TNIP3: variants seen among roughly 807,000 people sequenced by gnomAD.
TNIP3 encodes TNFAIP3-interacting protein 3.
Under a neutral mutation model 54.1 loss-of-function variants are expected in TNIP3, and 34 were observed. The observed-to-expected ratio is 0.63, with a 90% CI of 0.48 to 0.84. TNIP3 has a LOEUF of 0.84. Among genes scored for constraint, TNIP3 ranks in the 40% least tolerant of loss-of-function variants. The probability of loss-of-function intolerance (pLI) is 0.00; values close to 1 mark genes in which losing one functional copy is unlikely to be tolerated. For synonymous variants in TNIP3, 134 were observed against 136.8 expected (o/e 0.98, Z 0.14); for missense variants, 366 against 387.6 (o/e 0.94, Z 0.47).
At chr4:121,227,424 C>A in exon 1 of TNIP3, 1 of 1,531,306 alleles carries the variant, frequency 6.5e-7, no homozygotes. Context: ...TCTAGGTAAG[C>A]GTATTACAAG....
In TNIP3 at chr4:121,144,445, A is replaced by G. The variant is rs113622862; in HGVS notation, c.736-1669T>C. 2.5e-3 allele frequency among the ~76,000 whole-genome samples: 381 copies of G among 152,200 alleles called. 1 individual carries two copies. The highest frequency in any genetic ancestry group is 8.4e-3 in the African/African-American group (349 of 41,526). ...GAGACAGAATCCCACTCTGTTGCCC[A>G]GACTGGAATGCAGTGGCCCAATCTC... On this transcript the variant is annotated intron_variant, in intron 7 of 10. Coordinates refer to ENST00000057513, the MANE Select transcript of TNIP3 (RefSeq NM_024873.6).
At chr4:121,226,862 A>G (rs1402406620) in intron 1 of TNIP3, among the ~76,000 whole-genome samples, 1 of 152,162 alleles carries the variant, frequency 6.6e-6, no homozygotes, top group Admixed American at 6.5e-5. Flanking sequence ...CTCCCCATTG[A>G]TGTGATTCTA....
Position 121,164,242 on chromosome 4 carries a change from T to C in TNIP3, c.-117A>G. ...AAATTTAAAAAACACACATCACCGT[T>C]AACTCATAATAGAAAATAACAGCAA... On this transcript the variant is annotated 5_prime_UTR_variant, in exon 1 of 11. The change abolishes the stop of an existing upstream ORF in the 5' untranslated region. Coordinates refer to ENST00000057513, the MANE Select transcript of TNIP3 (RefSeq NM_024873.6). 1 of 1,528,994 alleles carries C rather than the reference T, an allele frequency of 6.5e-7. No individual in the cohort carries two copies. Among genetic ancestry groups the C allele is most frequent in the South Asian group, 1.2e-5 (1 of 80,370 alleles). The allele number at this position is 1,528,994 out of a possible 1,614,324, so 94.7% of individuals were successfully genotyped here. A position where few individuals can be genotyped will look rare whatever the true frequency, so the allele number is the denominator to read the frequency against.
At chr4:121,143,215 A>G (rs1579376887) in intron 7 of TNIP3, among the ~76,000 whole-genome samples, 1 of 152,194 alleles carries the variant, frequency 6.6e-6, no homozygotes, top group African/African-American at 2.4e-5. Context: ...ACTTAATACT[A>G]TCTCAATTTT....
At chr4:121,156,842 C>T (rs1423667156) in intron 4 of TNIP3, among the ~76,000 whole-genome samples, 1 of 152,100 alleles carries the variant, frequency 6.6e-6, no homozygotes, top group Admixed American at 6.5e-5. Context: ...CTGGAAGGGA[C>T]TGGGGAATGA....
chr4:121,179,749 C>A (rs1418779313), intron 3 of TNIP3, among the ~76,000 whole-genome samples: 1 of 151,930 alleles, frequency 6.6e-6, no homozygotes, highest in African/African-American at 2.4e-5. Flanking sequence ...ATCCAGGATT[C>A]CCCCAAGTTT....
chr4:121,191,326 C>T (rs1465971868), intron 2 of TNIP3, among the ~76,000 whole-genome samples: 2 of 152,082 alleles, frequency 1.3e-5, no homozygotes, highest in Non-Finnish European at 2.9e-5. Flanking sequence ...TGCTTTTGCA[C>T]CATTGTTCTA....
intron 2 of TNIP3, among the ~76,000 whole-genome samples, chr4:121,208,367 G>A (rs577190107): frequency 2.8e-4 from 42 of 152,024 alleles, no homozygotes; most frequent in African/African-American, 8.9e-4. Flanking sequence ...TCAATGTGTC[G>A]GCTGGAGCCA....
At chr4:121,212,138 T>C (rs1726508736) in intron 2 of TNIP3, among the ~76,000 whole-genome samples, 1 of 152,180 alleles carries the variant, frequency 6.6e-6, no homozygotes, top group Admixed American at 6.5e-5. Flanking sequence ...TATGCAAGCA[T>C]AAAGTATTCA....
intron 2 of TNIP3, among the ~76,000 whole-genome samples, chr4:121,183,263 T>C (rs766255090): frequency 6.6e-6 from 1 of 152,168 alleles, no homozygotes; most frequent in Non-Finnish European, 1.5e-5. Context: ...AATTCTACAG[T>C]CTGCCTCAAC....
intron 3 of TNIP3, among the ~76,000 whole-genome samples, chr4:121,169,407 C>T (rs1306435265): frequency 1.3e-5 from 2 of 152,190 alleles, no homozygotes; most frequent in Non-Finnish European, 2.9e-5. Flanking sequence ...TAAAATTGCT[C>T]TCCACCCCAG....
At chr4:121,145,480 G>A (rs1216102317) in intron 7 of TNIP3, among the ~76,000 whole-genome samples, 1 of 151,692 alleles carries the variant, frequency 6.6e-6, no homozygotes, top group East Asian at 1.9e-4. Flanking sequence ...AAGGACTTGT[G>A]GATTATAGTA....
At chr4:121,168,947 T>TTGGCA (rs1730922747), upstream of TNIP3, among the ~76,000 whole-genome samples, 1 of 152,144 alleles carries the variant, frequency 6.6e-6, no homozygotes, top group Non-Finnish European at 1.5e-5. Flanking sequence ...GGCAAGATGA[T>TTGGCA]TGGCATTTTT....
At chr4:121,144,500 C>A (rs956786293) in intron 7 of TNIP3, among the ~76,000 whole-genome samples, 1 of 152,146 alleles carries the variant, frequency 6.6e-6, no homozygotes, top group Non-Finnish European at 1.5e-5. Context: ...CTCCTGGGTT[C>A]AAGTGATTCT....
At chr4:121,202,783 T>C (rs371454095) in intron 2 of TNIP3, among the ~76,000 whole-genome samples, 8 of 151,978 alleles carry the variant, frequency 5.3e-5, no homozygotes, top group African/African-American at 1.7e-4. Context: ...GAATAGATAA[T>C]TCCCAAAAGA....
intron 3 of TNIP3, among the ~76,000 whole-genome samples, chr4:121,176,534 TG>T (rs1724358373): frequency 1.3e-5 from 2 of 151,950 alleles, no homozygotes; most frequent in Non-Finnish European, 2.9e-5. Context: ...ATGATGATGA[TG>T]ATGATGATGA....
chr4:121,218,984 G>A (rs1401917921), upstream of TNIP3, among the ~76,000 whole-genome samples: 2 of 152,218 alleles, frequency 1.3e-5, no homozygotes, highest in Non-Finnish European at 2.9e-5. Flanking sequence ...TGGATCACCT[G>A]AGGTCAGGAG....
chr4:121,172,282 A>T (rs910572488), intron 3 of TNIP3, among the ~76,000 whole-genome samples: 4 of 152,162 alleles, frequency 2.6e-5, no homozygotes, highest in African/African-American at 9.7e-5. Flanking sequence ...GAGATTTCCT[A>T]TGTTCCTGGG....
intron 3 of TNIP3, 44 bp downstream of exon 3, chr4:121,158,643 G>T (rs1259340363): frequency 5.3e-6 from 8 of 1,503,176 alleles, no homozygotes; most frequent in Non-Finnish European, 7.4e-6. Context: ...GCCCCACCAG[G>T]ATAATGGCTT....
Sources: gnomAD v4.1 joint callset for allele counts (sites outside exome capture counted in the v4.1 genomes callset) on GRCh38, gnomAD v4.1.1 for gene constraint, MANE v1.5 for transcripts, NCBI Gene and HGNC (gene_info 2026-07-23, HGNC 2026-07-21) for gene names.